The following ZNF100 variants were observed in gnomAD, a reference collection of about 807,000 sequenced individuals.
ZNF100 encodes zinc finger protein 100 (Y1).
A neutral mutation model predicts 15.8 loss-of-function variants in ZNF100; 12 were observed. That is an observed-to-expected ratio of 0.76 (90% CI 0.49 to 1.23). The LOEUF is 1.23. ZNF100 is among the 50% of genes most tolerant of loss of function. The pLI is 0.00. For synonymous variants in ZNF100, 226 were observed against 214.8 expected (o/e 1.05, Z -0.45); for missense variants, 670 against 635.6 (o/e 1.05, Z -0.58).
chr19:21,726,764 T>C lies in ZNF100; in HGVS notation c.1548A>G (p.Glu516=), dbSNP rs778818071. Reference sequence around the variant, plus strand: ...ACTGGTTAAAGTCTTTACCACATTCTTCCCATTTGTAAGATTTCTCTCCAG... The same window carrying C: ...ACTGGTTAAAGTCTTTACCACATTCCTCCCATTTGTAAGATTTCTCTCCAG... ...THTGEKSYKW[E]ECGKDFNQSL... Residue 516 remains glutamate (E), a synonymous_variant, in exon 5 of 5, where the codon GAA becomes GAG. Coordinates refer to ENST00000358296, the MANE Select transcript of ZNF100 (RefSeq NM_173531.4). 8.7e-6 allele frequency: 14 copies of C among 1,613,724 alleles called. No homozygotes were observed. In the South Asian group the frequency reaches 1.3e-4, roughly 15 times the overall value.
chr19:21,744,054 C>T lies in ZNF100; in HGVS notation c.285G>A (p.Trp95Ter). The T allele has an allele frequency of 4.3e-6, 7 of 1,612,830 alleles. No individual in the cohort carries two copies. Among genetic ancestry groups the T allele is most frequent in the Non-Finnish European group, 5.9e-6 (7 of 1,179,556 alleles). Residue 95 changes from tryptophan to a stop codon, truncating the protein, a stop_gained, in exon 4 of 5, where the codon TGG becomes TGA. Transcript: ENST00000358296. LOFTEE classifies it low-confidence loss of function (END_TRUNC). Reference sequence around the variant, plus strand: ...CTACCATCTCATGTCTCTTTATATTCCAGGGCTCTTTTCCTTGCTCCAGAC... The same window carrying T: ...CTACCATCTCATGTCTCTTTATATTTCAGGGCTCTTTTCCTTGCTCCAGAC... ...ITCLEQGKEP[W>*]NIKRHEMVAK...
At chr19:21,739,746 A>G (rs540934937) in intron 4 of ZNF100, among the ~76,000 whole-genome samples, 1 of 152,338 alleles carries the variant, frequency 6.6e-6, no homozygotes, top group East Asian at 1.9e-4. Flanking sequence ...AGGCTGAGGC[A>G]AGAGACCTGC....
At chr19:21,731,301 CCTTTT>C (rs1293671970) in intron 4 of ZNF100, among the ~76,000 whole-genome samples, 4 of 149,066 alleles carry the variant, frequency 2.7e-5, no homozygotes, top group Non-Finnish European at 5.9e-5. Context: ...CTTTTTCTTT[CCTTTT>C]TTTTTTATTT....
chr19:21,744,037 T>TC lies in ZNF100; in HGVS notation c.301dup (p.Glu101GlyfsTer24). ...CCTACCTGGGGGTTTGGCTACCATC[T>TC]CATGTCTCTTTATATTCCAGGGCTC... is the stretch of plus-strand genomic sequence containing the variant. On this transcript the variant is annotated frameshift_variant, in exon 4 of 5. Coordinates refer to ENST00000358296, the MANE Select transcript of ZNF100 (RefSeq NM_173531.4). LOFTEE classifies it low-confidence loss of function (END_TRUNC). The TC allele has an allele frequency of 1.2e-6, 2 of 1,612,772 alleles. No individual in the cohort carries two copies. Among genetic ancestry groups the TC allele is most frequent in the Non-Finnish European group, 1.7e-6 (2 of 1,179,502 alleles).
chr19:21,747,445 CA>C (rs1201724868), intron 2 of ZNF100, among the ~76,000 whole-genome samples: 1 of 151,790 alleles, frequency 6.6e-6, no homozygotes, highest in African/African-American at 2.4e-5. Flanking sequence ...TTAATGAGCT[CA>C]AAAATCACTT....
At chr19:21,733,019 T>C (rs1048855454) in intron 4 of ZNF100, among the ~76,000 whole-genome samples, 4 of 152,116 alleles carry the variant, frequency 2.6e-5, no homozygotes, top group African/African-American at 9.7e-5. Flanking sequence ...TTGAGACCAG[T>C]AGTTCAAGAT....
At chr19:21,737,547 AAAAG>A (rs145567451) in intron 4 of ZNF100, among the ~76,000 whole-genome samples, 10,486 of 150,066 alleles carry the variant, frequency 0.07, 418 homozygotes, top group South Asian at 0.17. Context: ...AAAATAAAAA[AAAAG>A]AAGAAAAAAA....
rs898284230 is a variant in ZNF100 at position 21,725,708 on chromosome 19, TTGAA to T, written c.*971_*974del. On this transcript the variant is annotated 3_prime_UTR_variant, in exon 5 of 5. Coordinates refer to ENST00000358296, the MANE Select transcript of ZNF100 (RefSeq NM_173531.4). ...ATTTTTTCAAAAAGTTAAGCATACTTTGAATGCAATAACTGCAAAAAATTTCTAC... is the reference window on the plus strand; with the variant it reads ...ATTTTTTCAAAAAGTTAAGCATACTTTGCAATAACTGCAAAAAATTTCTAC... The T allele has an allele frequency of 2.0e-5, 3 of 149,962 alleles. No individual in the cohort carries two copies. Among genetic ancestry groups the T allele is most frequent in the Non-Finnish European group, 4.4e-5 (3 of 67,522 alleles). The allele number at this position is 149,962 out of a possible 1,614,324, so 9.3% of individuals were successfully genotyped here.
chr19:21,750,158 T>G (rs541647948), intron 2 of ZNF100, among the ~76,000 whole-genome samples: 1 of 152,138 alleles, frequency 6.6e-6, no homozygotes, highest in Admixed American at 6.5e-5. Context: ...AAATAAGAAA[T>G]TGAATCCCTG....
At chr19:21,760,261 GGCTA>G (rs1289615035) in intron 2 of ZNF100, among the ~76,000 whole-genome samples, 5 of 151,788 alleles carry the variant, frequency 3.3e-5, no homozygotes, top group African/African-American at 1.2e-4. Flanking sequence ...GGGAGGCTGA[GGCTA>G]GCGAGTCACC....
rs2035728223 is a variant in ZNF100 at position 21,724,040 on chromosome 19, A to G, written c.*2643T>C. On this transcript the variant is annotated 3_prime_UTR_variant, in exon 5 of 5. Coordinates refer to ENST00000358296, the MANE Select transcript of ZNF100 (RefSeq NM_173531.4). ...AATCACAGACCAGCTCACATAATGA[A>G]TACTTCATAATCTGTAAAATATTTA... is the stretch of plus-strand genomic sequence containing the variant. 3 of 152,208 alleles carry G rather than the reference A, an allele frequency of 2.0e-5. No homozygotes were observed. The highest frequency in any genetic ancestry group is 2.0e-4 in the Admixed American group (3 of 15,280). The allele number at this position is 152,208 out of a possible 1,614,324, so 9.4% of individuals were successfully genotyped here. A position where few individuals can be genotyped will look rare whatever the true frequency, so the allele number is the denominator to read the frequency against.
In ZNF100 at chr19:21,727,632, T is replaced by C. The variant is rs376653120; in HGVS notation, c.680A>G (p.His227Arg). 15 of 1,611,804 alleles carry C rather than the reference T, an allele frequency of 9.3e-6. No homozygotes were observed. The highest frequency in any genetic ancestry group is 1.2e-5 in the Non-Finnish European group (14 of 1,179,290). The change falls in exon 5 of 5, where the codon CAT (histidine) becomes CGT (arginine). Residue 227 changes from histidine (H) to arginine (R), a missense_variant. Coordinates refer to ENST00000358296, the MANE Select transcript of ZNF100 (RefSeq NM_173531.4). The part of the protein sequence containing the change: ...LLHLTQHKRF[H>R]ITENSYQCKD... The stretch of plus-strand genomic sequence containing the variant: ...ACATTGGTAGGAATTCTCTGTAATA[T>C]GAAATCTTTTATGTTGAGTTAGGTG...
At chr19:21,728,461 G>A (rs1243732603) in intron 4 of ZNF100, among the ~76,000 whole-genome samples, 1 of 152,058 alleles carries the variant, frequency 6.6e-6, no homozygotes, top group East Asian at 1.9e-4. Flanking sequence ...ACTTTGCTGA[G>A]ACCAAAGGTA....
chr19:21,743,899 C>A (rs1246603602), intron 4 of ZNF100, 118 bp downstream of exon 4: 6 of 1,037,106 alleles, frequency 5.8e-6, no homozygotes, highest in Non-Finnish European at 6.6e-6. Context: ...AACACTCAGG[C>A]ATCCCAGAAA....
chr19:21,749,191 G>A (rs1469708553), intron 2 of ZNF100, among the ~76,000 whole-genome samples: 1 of 151,680 alleles, frequency 6.6e-6, no homozygotes, highest in Non-Finnish European at 1.5e-5. Flanking sequence ...TATCTTTTGA[G>A]TCACCGGACC....
chr19:21,743,553 G>A (rs1299454807), intron 4 of ZNF100, among the ~76,000 whole-genome samples: 3 of 152,046 alleles, frequency 2.0e-5, no homozygotes, highest in African/African-American at 7.2e-5. Flanking sequence ...ATAAAAACAG[G>A]ATGGAATGTG....
chr19:21,730,936 T>C (rs1410033736), intron 4 of ZNF100, among the ~76,000 whole-genome samples: 2 of 152,192 alleles, frequency 1.3e-5, no homozygotes, highest in African/African-American at 2.4e-5. Flanking sequence ...AAAATGTCCA[T>C]ACTTTTCAAA....
intron 4 of ZNF100, among the ~76,000 whole-genome samples, chr19:21,736,865 T>C (rs2036016134): frequency 6.6e-6 from 1 of 152,030 alleles, no homozygotes; most frequent in Non-Finnish European, 1.5e-5. Flanking sequence ...AGAGACAATA[T>C]ACCAGAATCT....
At chr19:21,746,216 A>G (rs941233322) in intron 2 of ZNF100, among the ~76,000 whole-genome samples, 2 of 152,352 alleles carry the variant, frequency 1.3e-5, no homozygotes, top group African/African-American at 4.8e-5. Flanking sequence ...TTGCCCCTCC[A>G]AAAGTAAATT....
Sources: gnomAD v4.1 joint callset for allele counts (sites outside exome capture counted in the v4.1 genomes callset) on GRCh38, gnomAD v4.1.1 for gene constraint, MANE v1.5 for transcripts, NCBI Gene and HGNC (gene_info 2026-07-23, HGNC 2026-07-21) for gene names.